PCDHA5: variants seen among roughly 807,000 people sequenced by gnomAD.
PCDHA5 encodes protocadherin alpha 5, also known as protocadherin alpha-5.
A neutral mutation model predicts 61.6 loss-of-function variants in PCDHA5; 43 were observed. The observed-to-expected ratio is 0.70, with a 90% CI of 0.55 to 0.90. The LOEUF is 0.90. Ranked by LOEUF, PCDHA5 falls within the 40% of genes least tolerant of loss-of-function variation. The probability of loss-of-function intolerance (pLI) is 0.00; values close to 1 mark genes in which losing one functional copy is unlikely to be tolerated. For missense variants in PCDHA5, 1,298 were observed against 1,222.7 expected (o/e 1.06, Z -0.92); for synonymous variants, 627 against 543.9 (o/e 1.15, Z -2.13).
At chr5:140,836,558 GC>G (rs1274646840) in intron 1 of PCDHA5, 7 of 1,613,642 alleles carry the variant, frequency 4.3e-6, no homozygotes, top group Non-Finnish European at 5.9e-6. Flanking sequence ...GGTGCTCAGC[GC>G]CGTCCTCTGA....
intron 1 of PCDHA5, chr5:140,868,166 T>G (rs1427031961): frequency 1.3e-5 from 2 of 152,120 alleles, no homozygotes; most frequent in Non-Finnish European, 2.9e-5. Flanking sequence ...AGTGCTAAAT[T>G]TTGATATCTC....
chr5:140,910,944 C>A (rs1177154353), intron 1 of PCDHA5, among the ~76,000 whole-genome samples: 1 of 152,146 alleles, frequency 6.6e-6, no homozygotes, highest in Non-Finnish European at 1.5e-5. Flanking sequence ...TCAAGCAGTT[C>A]TTTTCGAGTG....
At chr5:140,928,240 C>G (rs1174659124) in intron 1 of PCDHA5, 1 of 1,614,108 alleles carries the variant, frequency 6.2e-7, no homozygotes, top group Non-Finnish European at 8.5e-7. Flanking sequence ...TCAACCCCAG[C>G]AGGAACTTTT....
At chr5:140,918,940 A>C (rs541337613) in intron 1 of PCDHA5, among the ~76,000 whole-genome samples, 51 of 152,328 alleles carry the variant, frequency 3.3e-4, no homozygotes, top group African/African-American at 1.2e-3. Flanking sequence ...TTTTGTTATA[A>C]TATCCTGAAC....
chr5:140,857,774 G>A (rs554890390), intron 1 of PCDHA5: 8 of 1,597,758 alleles, frequency 5.0e-6, no homozygotes, highest in Admixed American at 1.7e-5. Context: ...GGGCGGTGCA[G>A]TCAGTGAGCT....
At chr5:140,944,865 T>G (rs1227128611) in intron 1 of PCDHA5, among the ~76,000 whole-genome samples, 3 of 152,166 alleles carry the variant, frequency 2.0e-5, no homozygotes, top group Non-Finnish European at 4.4e-5. Flanking sequence ...TTATTTATCT[T>G]AACCACCTAC....
intron 2 of PCDHA5, 87 bp downstream of exon 2, chr5:140,979,094 T>C (rs1203462119): frequency 6.4e-7 from 1 of 1,551,870 alleles, no homozygotes; most frequent in Non-Finnish European, 8.7e-7. Flanking sequence ...CAGAAGCAGC[T>C]GTCAAAACTA....
At chr5:140,876,970 G>A in intron 1 of PCDHA5, 4 of 1,612,850 alleles carry the variant, frequency 2.5e-6, no homozygotes, top group Non-Finnish European at 3.4e-6. Flanking sequence ...GCGGCGGGTG[G>A]GCGAGCACGC....
chr5:140,828,219 C>A (rs2150152527), intron 1 of PCDHA5: 4 of 1,614,022 alleles, frequency 2.5e-6, no homozygotes, highest in East Asian at 2.2e-5. Context: ...AAACACGGCA[C>A]CTTCGTGGGC....
intron 1 of PCDHA5, among the ~76,000 whole-genome samples, chr5:140,961,393 G>C (rs1224822152): frequency 6.6e-6 from 1 of 152,104 alleles, no homozygotes; most frequent in African/African-American, 2.4e-5. Context: ...TATTCCATTA[G>C]TAAACACTTT....
chr5:140,945,430 T>C (rs1389561787), intron 1 of PCDHA5, among the ~76,000 whole-genome samples: 2 of 152,082 alleles, frequency 1.3e-5, no homozygotes, highest in African/African-American at 4.8e-5. Flanking sequence ...ATGAAGTTTT[T>C]ACAGAAATAT....
At chr5:140,968,017 C>T (rs782195997) in intron 1 of PCDHA5, 2 of 1,614,216 alleles carry the variant, frequency 1.2e-6, no homozygotes, top group East Asian at 2.2e-5. Context: ...GCTTTGGAAA[C>T]TCCTATACAC....
In PCDHA5 at chr5:140,964,303, C is replaced by T. The variant is rs947126454; in HGVS notation, c.2353-14646C>T. Among the ~76,000 whole-genome samples the T allele has an allele frequency of 9.2e-5, 14 of 152,208 alleles. 1 individual carries two copies. Among genetic ancestry groups the T allele is most frequent in the Non-Finnish European group, 2.9e-5 (2 of 68,038 alleles). On this transcript the variant is annotated intron_variant, in intron 1 of 3. Coordinates refer to ENST00000529859, the MANE Select transcript of PCDHA5 (RefSeq NM_018908.3). ...AATTCTAGCTGGAGCTAAATACCTA[C>T]AAGGCCTAAAACAGCATAATGGACA... is the stretch of plus-strand genomic sequence containing the variant.
intron 3 of PCDHA5, among the ~76,000 whole-genome samples, chr5:140,984,356 A>G (rs556586072): frequency 1.3e-5 from 2 of 152,362 alleles, no homozygotes; most frequent in African/African-American, 4.8e-5. Flanking sequence ...GATATTTCAT[A>G]CATCTGGCCA....
Position 140,850,434 on chromosome 5 carries a change from C to G in PCDHA5, c.2352+26307C>G, listed in dbSNP as rs2150484212. ...CGAAACGGACGCACCGCGCCAGCGC[C>G]TACTGGTGCTGGTGAAAGACCACGG... On this transcript the variant is annotated intron_variant, in intron 1 of 3. Coordinates refer to ENST00000529859, the MANE Select transcript of PCDHA5 (RefSeq NM_018908.3). 12 of 1,598,008 alleles carry G rather than the reference C, an allele frequency of 7.5e-6. No individual in the cohort carries two copies. In the Admixed American group the frequency reaches 1.9e-4, roughly 25 times the overall value.
At chr5:140,974,894 A>C (rs1554236433) in intron 1 of PCDHA5, among the ~76,000 whole-genome samples, 2 of 152,184 alleles carry the variant, frequency 1.3e-5, no homozygotes, top group Admixed American at 6.5e-5. Context: ...TTTTCTGATG[A>C]TTTGTAACAA....
chr5:140,822,161 C>A lies in PCDHA5; in HGVS notation c.386C>A (p.Pro129Gln). ...EVAVKDINDN[P>Q]PRFSRQEQRL... is the part of the protein sequence containing the mutation. ...GCAGTGAAGGACATCAATGACAATC[C>A]GCCCAGGTTCTCCAGACAAGAACAA... Residue 129 changes from proline to glutamine, a missense_variant, in exon 1 of 4, where the codon CCG (proline) becomes CAG (glutamine). Coordinates refer to ENST00000529859, the MANE Select transcript of PCDHA5 (RefSeq NM_018908.3). 1 of 1,614,240 alleles carries A rather than the reference C, an allele frequency of 6.2e-7. No homozygotes were observed. Among genetic ancestry groups the A allele is most frequent in the Non-Finnish European group, 8.5e-7 (1 of 1,180,048 alleles).
At chr5:141,008,704 T>C (rs1485324733) in intron 3 of PCDHA5, among the ~76,000 whole-genome samples, 1 of 152,236 alleles carries the variant, frequency 6.6e-6, no homozygotes, top group East Asian at 1.9e-4. Context: ...AGTTGGTTTC[T>C]AGTTGCTTGA....
intron 1 of PCDHA5, chr5:140,866,231 A>G (rs1467927263): frequency 1.3e-5 from 2 of 152,172 alleles, no homozygotes; most frequent in Non-Finnish European, 2.9e-5. Context: ...ACTAAATACT[A>G]TATACCAAAA....
Sources: allele counts gnomAD v4.1 joint callset (sites outside exome capture counted in the v4.1 genomes callset), GRCh38; gene constraint gnomAD v4.1.1; transcripts MANE v1.5; gene names NCBI Gene and HGNC (gene_info 2026-07-23, HGNC 2026-07-21).